Variants in TRIQK observed in about 807,000 individuals in gnomAD.
The protein encoded by TRIQK is triple QxxK/R motif containing, also known as triple QxxK/R motif-containing protein.
TRIQK carries 10 observed loss-of-function variants against 10.8 expected under a neutral mutation model. The observed-to-expected ratio is 0.92, with a 90% confidence interval of 0.57 to 1.57. TRIQK has a LOEUF of 1.57. Ranked by LOEUF, TRIQK falls within the 40% of genes most tolerant of loss-of-function variation. TRIQK has a pLI of 0.00. For synonymous variants in TRIQK, 33 were observed against 33.7 expected, an observed-to-expected ratio of 0.98 and a Z score of 0.07; for missense variants, 107 against 97.7, an observed-to-expected ratio of 1.09 and a Z score of -0.40.
In TRIQK at chr8:92,888,188, C is replaced by T. The variant is rs569158203; in HGVS notation, c.148-1453G>A. 2.6e-4 allele frequency among the ~76,000 whole-genome samples: 39 copies of T among 151,792 alleles called. 1 individual carries two copies. The South Asian group carries it at 8.1e-3, about 31-fold the overall frequency. Reference sequence around the variant, plus strand: ...CTGTTCTGTATAGTGGACAACAAAACTGTTCAACAGCAGTCCCCATTCGCC... The same window carrying T: ...CTGTTCTGTATAGTGGACAACAAAATTGTTCAACAGCAGTCCCCATTCGCC... On this transcript the variant is annotated intron_variant, in intron 4 of 4. Coordinates refer to ENST00000521988, the MANE Select transcript of TRIQK (RefSeq NM_001171797.2).
At chr8:92,887,302 C>A (rs1218009040) in intron 4 of TRIQK, among the ~76,000 whole-genome samples, 1 of 151,296 alleles carries the variant, frequency 6.6e-6, no homozygotes, top group Non-Finnish European at 1.5e-5. Flanking sequence ...CTATAGTTTA[C>A]ACTGCAGAGG....
intron 1 of TRIQK, among the ~76,000 whole-genome samples, chr8:93,011,427 G>C (rs1369397601): frequency 6.6e-6 from 1 of 152,016 alleles, no homozygotes; most frequent in African/African-American, 2.4e-5. Context: ...AATTTCTTCA[G>C]TAGGCAAGAT....
At position 92,886,485 on chromosome 8, in the gene TRIQK, A is replaced by G. The variant is rs2130218885; in HGVS notation, c.*137T>C. 1.7e-6 allele frequency: 1 copy of G among 580,444 alleles called. No homozygotes were observed. Among genetic ancestry groups the G allele is most frequent in the Non-Finnish European group, 3.0e-6 (1 of 334,144 alleles). The allele number at this position is 580,444 out of a possible 1,614,324, so 36.0% of individuals were successfully genotyped here. ...TCTTTTCCTGACATCCTATGCAACT[A>G]TCAAAAATCATATGTCTGCAAACTG... is the stretch of plus-strand genomic sequence containing the variant. On this transcript the variant is annotated 3_prime_UTR_variant, in exon 5 of 5. Transcript: ENST00000521988.
intron 1 of TRIQK, among the ~76,000 whole-genome samples, chr8:92,978,215 C>T (rs1274800840): frequency 6.6e-6 from 1 of 152,106 alleles, no homozygotes; most frequent in Non-Finnish European, 1.5e-5. Flanking sequence ...TTAACTCAGG[C>T]ACACCACCAG....
rs1257833698 is a variant in TRIQK at position 92,954,527 on chromosome 8, C to T, written c.-143G>A. The T allele has an allele frequency of 1.3e-5, 2 of 151,808 alleles. No homozygotes were observed. Among genetic ancestry groups the T allele is most frequent in the African/African-American group, 4.8e-5 (2 of 41,394 alleles). 9.4% of individuals were successfully genotyped at this position (151,808 alleles called of 1,614,324 possible). A position where few individuals can be genotyped will look rare whatever the true frequency, so the allele number is the denominator to read the frequency against. ...GCTTGCATTCCTGGCAAATTCAATT[C>T]CAAATACCAAAAATAATATTCTTGG... is the stretch of plus-strand genomic sequence containing the variant. On this transcript the variant is annotated 5_prime_UTR_variant, in exon 2 of 5. Coordinates refer to ENST00000521988, the MANE Select transcript of TRIQK (RefSeq NM_001171797.2).
intron 2 of TRIQK, among the ~76,000 whole-genome samples, chr8:92,948,517 T>G (rs1194374837): frequency 6.6e-6 from 1 of 152,214 alleles, no homozygotes; most frequent in African/African-American, 2.4e-5. Context: ...AATATGATTA[T>G]CAATATCATA....
chr8:92,898,121 T>C (rs1453197745), intron 3 of TRIQK, among the ~76,000 whole-genome samples: 1 of 152,198 alleles, frequency 6.6e-6, no homozygotes, highest in Non-Finnish European at 1.5e-5. Flanking sequence ...AACTACAATG[T>C]TAAACACTTG....
intron 1 of TRIQK, chr8:92,964,812 A>G (rs1812651049): frequency 6.6e-6 from 1 of 152,108 alleles, no homozygotes; most frequent in Non-Finnish European, 1.5e-5. Flanking sequence ...CATATCCTAG[A>G]GTCTCCAATT....
chr8:92,945,543 C>T (rs1261810639), intron 2 of TRIQK, among the ~76,000 whole-genome samples: 1 of 152,186 alleles, frequency 6.6e-6, no homozygotes, highest in African/African-American at 2.4e-5. Flanking sequence ...ATCTAACTGA[C>T]TTGTCCTGTA....
At chr8:93,016,030 A>G (rs1813381955) in intron 1 of TRIQK, among the ~76,000 whole-genome samples, 1 of 152,200 alleles carries the variant, frequency 6.6e-6, no homozygotes, top group Non-Finnish European at 1.5e-5. Flanking sequence ...AATATAATGT[A>G]TGTTAAAAAC....
At chr8:93,000,343 G>C (rs981411621) in intron 1 of TRIQK, among the ~76,000 whole-genome samples, 1 of 152,170 alleles carries the variant, frequency 6.6e-6, no homozygotes, top group African/African-American at 2.4e-5. Flanking sequence ...GGCCCGGGAG[G>C]CTTCACAATC....
At chr8:92,998,717 C>T (rs1195251573) in intron 1 of TRIQK, among the ~76,000 whole-genome samples, 2 of 152,018 alleles carry the variant, frequency 1.3e-5, no homozygotes, top group Non-Finnish European at 2.9e-5. Flanking sequence ...AGGGGCTACT[C>T]TTGTTGCTAT....
intron 1 of TRIQK, among the ~76,000 whole-genome samples, chr8:92,999,348 C>T (rs1328191623): frequency 1.3e-5 from 2 of 152,202 alleles, no homozygotes; most frequent in African/African-American, 4.8e-5. Flanking sequence ...TAGCTAAGGA[C>T]AGACTTGGCT....
intron 2 of TRIQK, among the ~76,000 whole-genome samples, chr8:92,945,741 C>T (rs1811496514): frequency 6.6e-6 from 1 of 152,112 alleles, no homozygotes; most frequent in South Asian, 2.1e-4. Context: ...CTAGTTTTAG[C>T]ATTTGCCCCA....
chr8:92,910,185 T>C (rs1405169321), intron 3 of TRIQK, among the ~76,000 whole-genome samples: 4 of 151,418 alleles, frequency 2.6e-5, no homozygotes, highest in African/African-American at 9.7e-5. Flanking sequence ...CAAGACTATT[T>C]AAATTCTAGT....
In TRIQK at chr8:92,883,903, T is replaced by C. The variant is rs530215264; in HGVS notation, c.*2719A>G. The C allele has an allele frequency of 4.6e-5, 7 of 151,878 alleles. No homozygotes were observed. The highest frequency in any genetic ancestry group is 1.7e-4 in the African/African-American group (7 of 41,506). The allele number at this position is 151,878 out of a possible 1,614,324, so 9.4% of individuals were successfully genotyped here. On this transcript the variant is annotated 3_prime_UTR_variant, in exon 5 of 5. Transcript: ENST00000521988. ...GAGGTTATATTTTTACAATACTGTA[T>C]CTCATCTCAAATAAATTTATACATT...
chr8:92,989,720 T>C (rs1258362032), intron 1 of TRIQK, among the ~76,000 whole-genome samples: 1 of 152,192 alleles, frequency 6.6e-6, no homozygotes, highest in Non-Finnish European at 1.5e-5. Context: ...ATAAATGTAA[T>C]GCGTTTGAAT....
chr8:92,937,649 C>T (rs1811061744), intron 2 of TRIQK, among the ~76,000 whole-genome samples: 1 of 150,548 alleles, frequency 6.6e-6, no homozygotes, highest in South Asian at 2.1e-4. Context: ...TCCATCTTCA[C>T]TTTTATTAGT....
intron 2 of TRIQK, among the ~76,000 whole-genome samples, chr8:92,925,017 C>T (rs570083751): frequency 7.2e-4 from 109 of 152,152 alleles, no homozygotes; most frequent in African/African-American, 2.6e-3. Flanking sequence ...CACTTGCCAA[C>T]ATTGATATGA....
Sources: allele counts gnomAD v4.1 joint callset (sites outside exome capture counted in the v4.1 genomes callset), GRCh38; gene constraint gnomAD v4.1.1; transcripts MANE v1.5; gene names NCBI Gene and HGNC (gene_info 2026-07-23, HGNC 2026-07-21).